The following PRKG1 variants were observed in gnomAD, a reference collection of about 807,000 sequenced individuals.
PRKG1 encodes the protein cGMP-dependent protein kinase 1.
PRKG1 carries 35 observed loss-of-function variants against 88.1 expected under a neutral mutation model. The ratio of observed to expected loss-of-function variants is 0.40; its 90% confidence interval spans 0.30 to 0.53. The LOEUF is 0.53. Ranked by LOEUF, PRKG1 falls within the 20% of genes least tolerant of loss-of-function variation. PRKG1 has a pLI of 0.59. For missense variants in PRKG1, 540 were observed against 839.8 expected, an observed-to-expected ratio of 0.64 and a Z score of 4.41; for synonymous variants, 303 against 292.5, an observed-to-expected ratio of 1.04 and a Z score of -0.37.
intron 1 of PRKG1, among the ~76,000 whole-genome samples, chr10:51,111,966 C>T (rs1304199301): frequency 6.6e-6 from 1 of 152,104 alleles, no homozygotes; most frequent in East Asian, 1.9e-4. Context: ...TACTATGCAC[C>T]ACCTACAGAG....
chr10:52,181,379 A>T (rs1472239838), intron 9 of PRKG1, among the ~76,000 whole-genome samples: 1 of 146,360 alleles, frequency 6.8e-6, no homozygotes, highest in African/African-American at 2.5e-5. Flanking sequence ...GAGACTGGGT[A>T]ATTTATAATG....
intron 9 of PRKG1, among the ~76,000 whole-genome samples, chr10:52,238,783 G>A (rs1174806828): frequency 8.0e-5 from 12 of 149,998 alleles, no homozygotes; most frequent in African/African-American, 2.7e-4. Flanking sequence ...GGGATCTAGA[G>A]CTAGAAATAC....
chr10:51,999,092 CAG>C (rs1844527535), intron 5 of PRKG1, among the ~76,000 whole-genome samples: 2 of 152,184 alleles, frequency 1.3e-5, no homozygotes, highest in Admixed American at 6.5e-5. Flanking sequence ...GAACTTTAAA[CAG>C]AAATGAATCT....
At chr10:52,124,905 C>T (rs527980418) in intron 7 of PRKG1, among the ~76,000 whole-genome samples, 21 of 152,230 alleles carry the variant, frequency 1.4e-4, no homozygotes, top group South Asian at 6.2e-4. Context: ...TCCACCTCTA[C>T]GTCTTGTCCC....
At chr10:51,078,761 C>A (rs932711230) in intron 1 of PRKG1, among the ~76,000 whole-genome samples, 3 of 151,768 alleles carry the variant, frequency 2.0e-5, no homozygotes, top group Non-Finnish European at 4.4e-5. Flanking sequence ...GGACTACAGG[C>A]GCCAGCCACC....
chr10:51,622,311 A>G (rs1412164457), intron 3 of PRKG1, among the ~76,000 whole-genome samples: 2 of 152,198 alleles, frequency 1.3e-5, no homozygotes, highest in Non-Finnish European at 2.9e-5. Flanking sequence ...GGGAATATAG[A>G]TGCTTCACCT....
chr10:52,031,949 A>G (rs1361624034), intron 5 of PRKG1, among the ~76,000 whole-genome samples: 2 of 152,214 alleles, frequency 1.3e-5, no homozygotes, highest in East Asian at 3.9e-4. Flanking sequence ...GGCATCCACA[A>G]TACAACTAAG....
chr10:51,288,214 C>T (rs1463856572), intron 2 of PRKG1, among the ~76,000 whole-genome samples: 1 of 151,754 alleles, frequency 6.6e-6, no homozygotes, highest in African/African-American at 2.4e-5. Flanking sequence ...CATATGTATA[C>T]ATGTGCCATG....
chr10:51,356,410 A>C (rs1160676889), intron 2 of PRKG1, among the ~76,000 whole-genome samples: 1 of 152,042 alleles, frequency 6.6e-6, no homozygotes, highest in African/African-American at 2.4e-5. Flanking sequence ...TGTCCATGCT[A>C]TAGTTATCTG....
intron 3 of PRKG1, among the ~76,000 whole-genome samples, chr10:51,596,980 A>T (rs1188923314): frequency 1.3e-5 from 2 of 152,184 alleles, no homozygotes; most frequent in Non-Finnish European, 2.9e-5. Flanking sequence ...TGGACTGATT[A>T]CTTACTTTCT....
intron 3 of PRKG1, among the ~76,000 whole-genome samples, chr10:51,491,404 A>G (rs111807183): frequency 2.7e-4 from 41 of 152,272 alleles, no homozygotes; most frequent in African/African-American, 9.4e-4. Context: ...AAATGAATAA[A>G]TGTTGTTATT....
At chr10:51,968,820 CAAAAAAA>C (rs56810665) in intron 5 of PRKG1, among the ~76,000 whole-genome samples, 3 of 105,458 alleles carry the variant, frequency 2.8e-5, no homozygotes, top group Non-Finnish European at 4.3e-5. Context: ...AAAACTCCAT[CAAAAAAA>C]AAAAAAAAAA....
chr10:52,183,772 G>T (rs369743213), intron 9 of PRKG1, among the ~76,000 whole-genome samples: 1 of 152,192 alleles, frequency 6.6e-6, no homozygotes, highest in Non-Finnish European at 1.5e-5. Context: ...GAGGGAGTGC[G>T]CATGTTGTGT....
At chr10:52,000,324 A>AAT (rs139765607) in intron 5 of PRKG1, among the ~76,000 whole-genome samples, 132 of 151,500 alleles carry the variant, frequency 8.7e-4, no homozygotes, top group African/African-American at 3.0e-3. Context: ...GTGAGACAGC[A>AAT]ATATATATAT....
At chr10:52,120,454 C>T (rs534344673) in intron 7 of PRKG1, among the ~76,000 whole-genome samples, 2 of 152,274 alleles carry the variant, frequency 1.3e-5, no homozygotes, top group East Asian at 1.9e-4. Flanking sequence ...AGGCATGATT[C>T]ATTTTGAGAC....
chr10:51,495,848 A>G (rs948188699), intron 3 of PRKG1, among the ~76,000 whole-genome samples: 2 of 152,208 alleles, frequency 1.3e-5, no homozygotes, highest in Non-Finnish European at 2.9e-5. Flanking sequence ...AAAGTGATGT[A>G]GGTATGATTG....
intron 2 of PRKG1, among the ~76,000 whole-genome samples, chr10:51,154,282 C>G (rs1230913167): frequency 2.0e-5 from 3 of 151,748 alleles, no homozygotes; most frequent in Admixed American, 6.6e-5. Context: ...GATTCTGTCT[C>G]CCAGGGGACA....
intron 2 of PRKG1, among the ~76,000 whole-genome samples, chr10:51,183,479 A>G (rs1837404672): frequency 6.6e-6 from 1 of 152,200 alleles, no homozygotes; most frequent in Non-Finnish European, 1.5e-5. Context: ...CCATTTCTGC[A>G]TATTATAATA....
At chr10:52,166,675 A>G (rs1838449734) in intron 9 of PRKG1, among the ~76,000 whole-genome samples, 1 of 142,250 alleles carries the variant, frequency 7.0e-6, no homozygotes. Flanking sequence ...ATATAAAAAA[A>G]TTAAATACTT....
Sources: allele counts gnomAD v4.1 joint callset (sites outside exome capture counted in the v4.1 genomes callset), GRCh38; gene constraint gnomAD v4.1.1; transcripts MANE v1.5; gene names NCBI Gene and HGNC (gene_info 2026-07-23, HGNC 2026-07-21).